The following GRM4 variants were observed in gnomAD, a reference collection of about 807,000 sequenced individuals.
GRM4 encodes glutamate metabotropic receptor 4, also known as metabotropic glutamate receptor 4.
A neutral mutation model predicts 81.7 loss-of-function variants in GRM4; 28 were observed. The ratio of observed to expected loss-of-function variants is 0.34; its 90% CI spans 0.25 to 0.47. GRM4 has a LOEUF of 0.47. Ranked by LOEUF, GRM4 falls within the 20% of genes least tolerant of loss-of-function variation. The pLI, the probability that GRM4 is intolerant of heterozygous loss-of-function variation, is 1.00. For synonymous variants in GRM4, 488 were observed against 528.8 expected (o/e 0.92, Z 1.06); for missense variants, 948 against 1,290.0 (o/e 0.73, Z 4.06).
chr6:34,023,368 G>A (rs1225836130), intron 10 of GRM4, among the ~76,000 whole-genome samples: 1 of 152,254 alleles, frequency 6.6e-6, no homozygotes, highest in Non-Finnish European at 1.5e-5. Flanking sequence ...ATGCGCACAT[G>A]TAAGGAATAT....
At chr6:34,106,274 G>A (rs577884997) in intron 2 of GRM4, among the ~76,000 whole-genome samples, 7 of 152,174 alleles carry the variant, frequency 4.6e-5, no homozygotes, top group African/African-American at 1.7e-4. Context: ...AATTAGCCAG[G>A]GGTGGTGGCC....
intron 9 of GRM4, among the ~76,000 whole-genome samples, chr6:34,033,209 C>T (rs536735105): frequency 6.6e-6 from 1 of 152,328 alleles, no homozygotes; most frequent in South Asian, 2.1e-4. Flanking sequence ...TGGGATCCCC[C>T]TGCTGAAGCA....
In GRM4 at chr6:34,074,671, T is replaced by G. The variant is rs1226346951; in HGVS notation, c.737-12643A>C. The stretch of plus-strand genomic sequence containing the variant: ...CTGCATTATTCATGGCGCTAGGCTC[T>G]GAGCAGAGGGAAATTTGCTGAGTGA... On this transcript the variant is annotated intron_variant, in intron 3 of 10. Coordinates refer to ENST00000538487, the MANE Select transcript of GRM4 (RefSeq NM_000841.4). This position sits in a 1 kb window ranked among gnomAD's most constrained non-coding sequence, Gnocchi z 4.9. Among the ~76,000 whole-genome samples, 1 of 152,252 alleles carries G rather than the reference T, an allele frequency of 6.6e-6. No homozygotes were observed. Among genetic ancestry groups the G allele is most frequent in the Non-Finnish European group, 1.5e-5 (1 of 68,052 alleles).
At chr6:34,028,902 C>G (rs763436255) in intron 9 of GRM4, among the ~76,000 whole-genome samples, 1 of 152,194 alleles carries the variant, frequency 6.6e-6, no homozygotes, top group Non-Finnish European at 1.5e-5. Context: ...GCAACGGTCC[C>G]CCAGTGCAGA....
upstream of GRM4, among the ~76,000 whole-genome samples, chr6:34,146,833 G>A (rs2127520391): frequency 6.6e-6 from 1 of 152,304 alleles, no homozygotes; most frequent in African/African-American, 2.4e-5. Flanking sequence ...TTAGGTGAGG[G>A]GAATGTCTGG....
intron 2 of GRM4, chr6:34,110,973 G>C (rs1251679819): frequency 2.4e-5 from 15 of 631,930 alleles, no homozygotes; most frequent in Non-Finnish European, 3.1e-5. Context: ...AGACTGCAAG[G>C]AGCCAAGCGG....
chr6:34,035,366 G>A lies in GRM4; in HGVS notation c.2442+302C>T, dbSNP rs143610457. On this transcript the variant is annotated intron_variant, in intron 9 of 10. Coordinates refer to ENST00000538487, the MANE Select transcript of GRM4 (RefSeq NM_000841.4). This position sits in a 1 kb window ranked among gnomAD's most constrained non-coding sequence, Gnocchi z 6.6. ...AAGAGGGAGTAAAGTGGGGCTGAAG[G>A]AGACAAAAGGAGGAGAGAAAAAAGG... 4.9e-3 allele frequency among the ~76,000 whole-genome samples: 743 copies of A among 150,976 alleles called. 4 individuals are homozygous for A. The highest frequency in any genetic ancestry group is 8.5e-3 in the Non-Finnish European group (575 of 67,720).
intron 6 of GRM4, among the ~76,000 whole-genome samples, 167 bp from the exon 7 acceptor site, chr6:34,040,915 C>A (rs1764992812): frequency 1.3e-5 from 2 of 152,182 alleles, no homozygotes; most frequent in Admixed American, 6.5e-5. Flanking sequence ...CAGGAGATGG[C>A]CCTGTGGAGG....
intron 2 of GRM4, among the ~76,000 whole-genome samples, chr6:34,123,214 A>C (rs1263815249): frequency 6.6e-6 from 1 of 152,102 alleles, no homozygotes; most frequent in Non-Finnish European, 1.5e-5. Context: ...GCCAGAGATC[A>C]CCCCAGCGCC....
At chr6:34,066,127 C>T (rs1766453303) in intron 3 of GRM4, among the ~76,000 whole-genome samples, 1 of 152,172 alleles carries the variant, frequency 6.6e-6, no homozygotes, top group Non-Finnish European at 1.5e-5. Context: ...CTCTGCAGAA[C>T]CACACGGCAG....
At chr6:34,144,182 C>G (rs921646442) in intron 1 of GRM4, among the ~76,000 whole-genome samples, 1 of 152,232 alleles carries the variant, frequency 6.6e-6, no homozygotes, top group Non-Finnish European at 1.5e-5. Flanking sequence ...GACTCCCTGC[C>G]GCCGCCGATG....
In GRM4 at chr6:34,095,117, C is replaced by T. The variant is rs147670171; in HGVS notation, c.520-3018G>A. ...AGCATGTGCTCCTGCAGGATATGCG[C>T]GTCAGCCTGCAGGAGAGCCCCGGAC... On this transcript the variant is annotated intron_variant, in intron 2 of 10. Transcript: ENST00000538487. Among the ~76,000 whole-genome samples the T allele has an allele frequency of 2.7e-3, 415 of 152,314 alleles. 1 individual carries two copies. Among genetic ancestry groups the T allele is most frequent in the African/African-American group, 8.6e-3 (356 of 41,564 alleles).
At position 34,091,332 on chromosome 6, in the gene GRM4, C is replaced by T. The variant is rs77511505; in HGVS notation, c.736+551G>A. On this transcript the variant is annotated intron_variant, in intron 3 of 10. Coordinates refer to ENST00000538487, the MANE Select transcript of GRM4 (RefSeq NM_000841.4). The stretch of plus-strand genomic sequence containing the variant: ...AATGGGGGAAGATGGCATCAGGGTA[C>T]GAGGGGGAGACCTCGAGGAGAATAA... 2.6e-3 allele frequency among the ~76,000 whole-genome samples: 391 copies of T among 152,294 alleles called. 1 individual carries two copies. Among genetic ancestry groups the T allele is most frequent in the African/African-American group, 8.9e-3 (371 of 41,560 alleles).
In GRM4 at chr6:34,082,307, G is replaced by A. The variant is rs183980398; in HGVS notation, c.736+9576C>T. On this transcript the variant is annotated intron_variant, in intron 3 of 10. Transcript: ENST00000538487. ...AATAAATAAATAAACAGAGGCCAGAGAAGTTAGGGGGCAGACCGCTGTGGA... is the reference window on the plus strand; with the variant it reads ...AATAAATAAATAAACAGAGGCCAGAAAAGTTAGGGGGCAGACCGCTGTGGA... Among the ~76,000 whole-genome samples, 17 of 152,372 alleles carry A rather than the reference G, an allele frequency of 1.1e-4. No homozygotes were observed. The East Asian group carries it at 2.9e-3, about 26-fold the overall frequency.
chr6:34,091,784 G>C (rs78033403), intron 3 of GRM4, 99 bp downstream of exon 3: 1 of 854,120 alleles, frequency 1.2e-6, no homozygotes, highest in African/African-American at 1.7e-5. Context: ...GGCAGTCAGA[G>C]CCTGTATCAG....
At chr6:34,103,600 T>C (rs1305683537) in intron 2 of GRM4, 8 of 1,535,242 alleles carry the variant, frequency 5.2e-6, no homozygotes, top group African/African-American at 1.4e-5. Flanking sequence ...TTTTACATGC[T>C]GACTCAGTAA....
exon 1 of GRM4, chr6:34,155,329 G>C (rs1458630734): frequency 4.4e-5 from 67 of 1,520,658 alleles, no homozygotes; most frequent in Non-Finnish European, 5.6e-5. Context: ...GAGGCGTAGA[G>C]GGGAGCAAGG....
At chr6:34,116,581 C>T (rs1393626800) in intron 2 of GRM4, among the ~76,000 whole-genome samples, 1 of 152,146 alleles carries the variant, frequency 6.6e-6, no homozygotes, top group East Asian at 1.9e-4. Flanking sequence ...CAAGAAGGTA[C>T]AGTCTCTTTG....
chr6:34,129,548 A>C (rs1331126183), intron 2 of GRM4, among the ~76,000 whole-genome samples: 1 of 152,164 alleles, frequency 6.6e-6, no homozygotes, highest in African/African-American at 2.4e-5. Flanking sequence ...ACAAATTGCA[A>C]ATGAAGGAAG....
Sources: allele counts gnomAD v4.1 joint callset (sites outside exome capture counted in the v4.1 genomes callset), GRCh38; gene constraint gnomAD v4.1.1; non-coding constraint Gnocchi (gnomAD v3.1); transcripts MANE v1.5; gene names NCBI Gene and HGNC (gene_info 2026-07-23, HGNC 2026-07-21).